Variants in SLC7A11 observed in about 807,000 individuals in gnomAD.
The protein encoded by SLC7A11 is solute carrier family 7 member 11.
A neutral mutation model predicts 54.5 loss-of-function variants in SLC7A11; 35 were observed. The ratio of observed to expected loss-of-function variants is 0.64; its 90% CI spans 0.49 to 0.85. The LOEUF is 0.85. Ranked by LOEUF, SLC7A11 falls within the 40% of genes least tolerant of loss-of-function variation. SLC7A11 has a pLI of 0.00. For missense variants in SLC7A11, 583 were observed against 618.1 expected, an observed-to-expected ratio of 0.94 and a Z score of 0.60; for synonymous variants, 230 against 225.2, an observed-to-expected ratio of 1.02 and a Z score of -0.19.
intron 11 of SLC7A11, 79 bp from the exon 12 acceptor site, chr4:138,172,096 G>A: frequency 7.1e-7 from 1 of 1,414,338 alleles, no homozygotes; most frequent in Non-Finnish European, 9.5e-7. Flanking sequence ...AATTATTTTG[G>A]GTTGAATACC....
Position 138,170,569 on chromosome 4 carries a change from C to A in SLC7A11, c.*1387G>T, listed in dbSNP as rs887751203. 6.6e-6 allele frequency: 1 copy of A among 151,906 alleles called. No individual in the cohort carries two copies. The highest frequency in any genetic ancestry group is 6.6e-5 in the Admixed American group (1 of 15,230). The allele number at this position is 151,906 out of a possible 1,614,324, so 9.4% of individuals were successfully genotyped here. A position where few individuals can be genotyped will look rare whatever the true frequency, so the allele number is the denominator to read the frequency against. On this transcript the variant is annotated 3_prime_UTR_variant, in exon 12 of 12. Transcript: ENST00000280612. ...GACCTCAGGTGATCCACCCCCTCAGCCTCCCAAAGTGCTGGGATTACAGAT... is the reference window on the plus strand; with the variant it reads ...GACCTCAGGTGATCCACCCCCTCAGACTCCCAAAGTGCTGGGATTACAGAT...
intron 6 of SLC7A11, among the ~76,000 whole-genome samples, chr4:138,196,304 T>C (rs1346674095): frequency 1.3e-5 from 2 of 150,880 alleles, no homozygotes; most frequent in African/African-American, 4.9e-5. Context: ...CAGTGGGGAG[T>C]TGGGTACAAA....
At chr4:138,226,620 G>A (rs1467065410) in intron 3 of SLC7A11, among the ~76,000 whole-genome samples, 1 of 152,040 alleles carries the variant, frequency 6.6e-6, no homozygotes, top group Non-Finnish European at 1.5e-5. Flanking sequence ...GTTTCATCAC[G>A]TGTCTTTACA....
chr4:138,223,462 C>G, intron 3 of SLC7A11, 138 bp from the exon 4 acceptor site: 1 of 849,968 alleles, frequency 1.2e-6, no homozygotes, highest in Non-Finnish European at 1.8e-6. Context: ...TGCAGAATCT[C>G]AGGCTCTGCC....
At position 138,229,733 on chromosome 4, in the gene SLC7A11, A is replaced by G. The variant is rs150518002; in HGVS notation, c.520+2534T>C. On this transcript the variant is annotated intron_variant, in intron 3 of 11. Transcript: ENST00000280612. ...GTTTAATTGAATTGGGATAAACAAG[A>G]AAAGAGTTATCTAGACTTATAAAAA... Among the ~76,000 whole-genome samples, 33 of 152,338 alleles carry G rather than the reference A, an allele frequency of 2.2e-4. No homozygotes were observed. In the East Asian group the frequency reaches 6.4e-3, roughly 29 times the overall value.
intron 6 of SLC7A11, among the ~76,000 whole-genome samples, chr4:138,194,356 A>G (rs1737081720): frequency 6.6e-6 from 1 of 152,144 alleles, no homozygotes; most frequent in East Asian, 1.9e-4. Context: ...TTTATCTTTC[A>G]GCTCAAAAGT....
At chr4:138,196,866 G>A (rs997338773) in intron 6 of SLC7A11, among the ~76,000 whole-genome samples, 1 of 152,026 alleles carries the variant, frequency 6.6e-6, no homozygotes, top group African/African-American at 2.4e-5. Context: ...CACCATGTTG[G>A]CCAGGCTGGT....
At chr4:138,190,056 T>C (rs1039939313) in intron 6 of SLC7A11, among the ~76,000 whole-genome samples, 1 of 152,194 alleles carries the variant, frequency 6.6e-6, no homozygotes, top group Non-Finnish European at 1.5e-5. Context: ...GTTGGACACA[T>C]ACAATGGTGA....
intron 6 of SLC7A11, among the ~76,000 whole-genome samples, chr4:138,202,675 A>G (rs900044115): frequency 3.9e-5 from 6 of 152,158 alleles, no homozygotes; most frequent in African/African-American, 9.6e-5. Context: ...CATAGAACAT[A>G]CTAGAGTTGA....
chr4:138,216,822 C>A (rs1737692265), intron 5 of SLC7A11, among the ~76,000 whole-genome samples: 1 of 152,158 alleles, frequency 6.6e-6, no homozygotes, highest in African/African-American at 2.4e-5. Context: ...AGGGGGGTAT[C>A]AAACATTGTC....
intron 3 of SLC7A11, among the ~76,000 whole-genome samples, chr4:138,230,388 G>T (rs1738045756): frequency 6.9e-6 from 1 of 144,872 alleles, no homozygotes. Flanking sequence ...AACTGCACAT[G>T]TACCCCTGAA....
In SLC7A11 at chr4:138,236,236, G is replaced by A. The variant is rs376151561; in HGVS notation, c.404+89C>T. The A allele has an allele frequency of 1.2e-3, 1,279 of 1,038,302 alleles. 18 individuals carry two copies. In the South Asian group the frequency reaches 0.019, roughly 16 times the overall value. The allele number at this position is 1,038,302 out of a possible 1,614,324, so 64.3% of individuals were successfully genotyped here. On this transcript the variant is annotated intron_variant, in intron 2 of 11. Coordinates refer to ENST00000280612, the MANE Select transcript of SLC7A11 (RefSeq NM_014331.4). Reference sequence around the variant, plus strand: ...TGTTTATCATGTAGTCACATGACATGCATGTGTCTAACCAGTTAAAAATAA... The same window carrying A: ...TGTTTATCATGTAGTCACATGACATACATGTGTCTAACCAGTTAAAAATAA...
chr4:138,220,456 GT>G (rs60759105), intron 4 of SLC7A11, among the ~76,000 whole-genome samples: 4 of 151,780 alleles, frequency 2.6e-5, no homozygotes, highest in East Asian at 1.9e-4. Flanking sequence ...AGAATGACAT[GT>G]TTTTTTTCCT....
intron 1 of SLC7A11, among the ~76,000 whole-genome samples, chr4:138,240,225 A>G (rs1738343370): frequency 6.6e-6 from 1 of 152,162 alleles, no homozygotes; most frequent in African/African-American, 2.4e-5. Context: ...AAATCTTTCT[A>G]TACTACTTGT....
Position 138,228,217 on chromosome 4 carries a change from T to C in SLC7A11, c.520+4050A>G, listed in dbSNP as rs971134314. Among the ~76,000 whole-genome samples, 20 of 152,114 alleles carry C rather than the reference T, an allele frequency of 1.3e-4. No homozygotes were observed. In the South Asian group the frequency reaches 1.9e-3, roughly 14 times the overall value. ...GTTCTTAACTCATCTTTATTTTATA[T>C]AGATAAAATAAACTAGCAAGGAAAT... On this transcript the variant is annotated intron_variant, in intron 3 of 11. Coordinates refer to ENST00000280612, the MANE Select transcript of SLC7A11 (RefSeq NM_014331.4).
chr4:138,227,702 G>A (rs891221295), intron 3 of SLC7A11, among the ~76,000 whole-genome samples: 3 of 152,148 alleles, frequency 2.0e-5, no homozygotes, highest in African/African-American at 7.2e-5. Context: ...AGGCAACAAT[G>A]AGGAAGTAGT....
chr4:138,203,913 C>T (rs1409794260), intron 6 of SLC7A11, among the ~76,000 whole-genome samples: 1 of 151,954 alleles, frequency 6.6e-6, no homozygotes, highest in African/African-American at 2.4e-5. Context: ...TCCCCTTATC[C>T]ACATCCTACT....
intron 7 of SLC7A11, among the ~76,000 whole-genome samples, chr4:138,183,638 T>G (rs1736802270): frequency 2.6e-5 from 4 of 152,152 alleles, no homozygotes; most frequent in Admixed American, 1.3e-4. Flanking sequence ...AATCAGAAGT[T>G]CTACTGGAGA....
intron 11 of SLC7A11, among the ~76,000 whole-genome samples, chr4:138,173,615 C>T (rs1283781079): frequency 4.0e-5 from 6 of 149,650 alleles, no homozygotes; most frequent in Non-Finnish European, 8.9e-5. Flanking sequence ...GCGTGGGCAA[C>T]AAGAATGAAA....
Sources: gnomAD v4.1 joint callset for allele counts (sites outside exome capture counted in the v4.1 genomes callset) on GRCh38, gnomAD v4.1.1 for gene constraint, MANE v1.5 for transcripts, NCBI Gene and HGNC (gene_info 2026-07-23, HGNC 2026-07-21) for gene names.